The following SUMF1 variants were observed in gnomAD, a reference collection of about 807,000 sequenced individuals.
SUMF1 encodes the protein sulfatase modifying factor 1.
In SUMF1, 48 loss-of-function variants were observed where a neutral mutation model predicts 47.6. The observed-to-expected ratio is 1.01, with a 90% CI of 0.80 to 1.28. SUMF1 has a LOEUF of 1.28. Ranked by LOEUF, SUMF1 falls within the 50% of genes most tolerant of loss-of-function variation. The pLI, the probability that SUMF1 is intolerant of heterozygous loss-of-function variation, is 0.00. For missense variants in SUMF1, 571 were observed against 485.4 expected, an observed-to-expected ratio of 1.18 and a Z score of -1.66; for synonymous variants, 230 against 192.1, an observed-to-expected ratio of 1.20 and a Z score of -1.63.
intron 8 of SUMF1, among the ~76,000 whole-genome samples, chr3:4,343,320 TC>T (rs1402523405): frequency 1.3e-5 from 2 of 152,200 alleles, no homozygotes; most frequent in African/African-American, 2.4e-5. Context: ...GAGCTCCAGA[TC>T]ACCAAACCAC....
intron 3 of SUMF1, among the ~76,000 whole-genome samples, chr3:4,433,918 GAT>G (rs1353415572): frequency 6.6e-6 from 1 of 152,230 alleles, no homozygotes; most frequent in African/African-American, 2.4e-5. Flanking sequence ...CAGGTCAAGA[GAT>G]ATGTCACCAT....
Position 4,449,339 on chromosome 3 carries a change from G to C in SUMF1, c.446C>G (p.Ala149Gly). The change falls in exon 3 of 9, where the codon GCT becomes GGT. Residue 149 changes from alanine to glycine, a missense_variant and splice_region_variant. Transcript: ENST00000272902. ...FVNSTGYLTEAEKFGDSFVFE... is the reference protein window; with the variant it reads ...FVNSTGYLTEGEKFGDSFVFE... ...GACAAAGGAGTCGCCAAACTTCTCA[G>C]CCTATAAGGAAGGTAGGAAATAAAA... 1.2e-6 allele frequency: 2 copies of C among 1,614,102 alleles called. No individual in the cohort carries two copies. Among genetic ancestry groups the C allele is most frequent in the South Asian group, 1.1e-5 (1 of 91,080 alleles).
intron 9 of SUMF1, among the ~76,000 whole-genome samples, chr3:4,046,179 C>G (rs1695003460): frequency 6.6e-6 from 1 of 152,160 alleles, no homozygotes. Flanking sequence ...TAAATGTGGG[C>G]TGGCTCAGCT....
intron 8 of SUMF1, among the ~76,000 whole-genome samples, chr3:4,156,940 G>A (rs1001083028): frequency 1.3e-5 from 2 of 151,520 alleles, no homozygotes; most frequent in African/African-American, 2.4e-5. Flanking sequence ...GCAAATGTAT[G>A]CCATCATTAA....
chr3:4,100,517 G>A (rs896681590), intron 8 of SUMF1, among the ~76,000 whole-genome samples: 6 of 151,878 alleles, frequency 4.0e-5, no homozygotes, highest in African/African-American at 1.5e-4. Context: ...TCTTATAAAA[G>A]AATCAACTCA....
At chr3:4,349,231 T>C (rs1254486157) in intron 8 of SUMF1, among the ~76,000 whole-genome samples, 1 of 152,034 alleles carries the variant, frequency 6.6e-6, no homozygotes, top group South Asian at 2.1e-4. Context: ...ATGCAGCCAA[T>C]GGACATATGA....
intron 8 of SUMF1, among the ~76,000 whole-genome samples, chr3:4,095,657 T>A (rs1412551756): frequency 6.6e-6 from 1 of 151,900 alleles, no homozygotes; most frequent in Admixed American, 6.6e-5. Flanking sequence ...AGCAGAACAA[T>A]ATAAAACAAA....
intron 8 of SUMF1, among the ~76,000 whole-genome samples, chr3:4,318,148 A>C (rs962279533): frequency 6.6e-6 from 1 of 152,156 alleles, no homozygotes. Context: ...CAAAGACATT[A>C]CTAGGAAAGA....
intron 8 of SUMF1, among the ~76,000 whole-genome samples, chr3:4,150,107 T>C (rs1057240192): frequency 1.6e-5 from 2 of 124,728 alleles, no homozygotes; most frequent in South Asian, 5.2e-4. Context: ...TTTATTTATT[T>C]ATTTTGCAGG....
chr3:4,113,819 G>A (rs569602992), intron 8 of SUMF1, among the ~76,000 whole-genome samples: 1 of 152,178 alleles, frequency 6.6e-6, no homozygotes, highest in South Asian at 2.1e-4. Context: ...TAGGCAGATA[G>A]GAACAATTAC....
In SUMF1 at chr3:4,246,529, G is replaced by C. The variant is rs186994069; in HGVS notation, c.1014+129801C>G. Among the ~76,000 whole-genome samples, 451 of 152,022 alleles carry C rather than the reference G, an allele frequency of 3.0e-3. 4 individuals carry two copies. The highest frequency in any genetic ancestry group is 0.01 in the African/African-American group (426 of 41,420). The stretch of plus-strand genomic sequence containing the variant: ...TGATTCTCCTGTCTCAGCCTCCTGA[G>C]CAGCTGGGACTACAGGCGCACGCCA... On this transcript the variant is annotated intron_variant and NMD_transcript_variant, in intron 8 of 12. Coordinates refer to the SUMF1 transcript ENST00000448413.
intron 3 of SUMF1, among the ~76,000 whole-genome samples, chr3:4,428,497 G>C (rs899470052): frequency 6.6e-6 from 1 of 151,976 alleles, no homozygotes; most frequent in African/African-American, 2.4e-5. Flanking sequence ...AAGACTACAG[G>C]CACATGCCAC....
rs760859668 is a variant in SUMF1, at chr3:4,303,477, A to T, written c.1014+72853T>A. The T allele has an allele frequency of 8.6e-6, 13 of 1,514,338 alleles. No homozygotes were observed. The highest frequency in any genetic ancestry group is 1.1e-5 in the Non-Finnish European group (13 of 1,136,772). The allele number at this position is 1,514,338 out of a possible 1,614,324, so 93.8% of individuals were successfully genotyped here. Reference sequence around the variant, plus strand: ...CTGGATGTCGCGTGCGGCCAGGAAAACTTGCCGGTGGGCGCGTGGCCCCCG... The same window carrying T: ...CTGGATGTCGCGTGCGGCCAGGAAATCTTGCCGGTGGGCGCGTGGCCCCCG... On this transcript the variant is annotated intron_variant and NMD_transcript_variant, in intron 8 of 12. Coordinates refer to the SUMF1 transcript ENST00000448413.
At chr3:4,326,009 ACAGGGTTT>A (rs1698937505) in intron 8 of SUMF1, among the ~76,000 whole-genome samples, 1 of 152,182 alleles carries the variant, frequency 6.6e-6, no homozygotes, top group South Asian at 2.1e-4. Flanking sequence ...TTTAGTTGAA[ACAGGGTTT>A]CACCATGTTG....
intron 8 of SUMF1, among the ~76,000 whole-genome samples, chr3:4,222,693 G>A (rs890457000): frequency 1.3e-5 from 2 of 152,056 alleles, no homozygotes; most frequent in African/African-American, 2.4e-5. Flanking sequence ...ACCCATCAAG[G>A]TTCACTGTGA....
chr3:4,392,124 G>A (rs748787442), intron 7 of SUMF1, among the ~76,000 whole-genome samples: 1 of 152,096 alleles, frequency 6.6e-6, no homozygotes, highest in Admixed American at 6.6e-5. Flanking sequence ...CACTGCACCT[G>A]TCCTGGATAC....
At chr3:4,465,039 A>G (rs1387395988) in intron 1 of SUMF1, among the ~76,000 whole-genome samples, 2 of 152,250 alleles carry the variant, frequency 1.3e-5, no homozygotes, top group African/African-American at 2.4e-5. Context: ...CCAGAGGAAA[A>G]TAGAATGTTT....
intron 8 of SUMF1, among the ~76,000 whole-genome samples, chr3:4,109,032 C>T (rs542839064): frequency 1.3e-5 from 2 of 152,210 alleles, no homozygotes; most frequent in South Asian, 2.1e-4. Context: ...ATGGTCTTTA[C>T]AATTTGGCAT....
intron 8 of SUMF1, among the ~76,000 whole-genome samples, chr3:4,137,399 A>C (rs1693963046): frequency 6.8e-6 from 1 of 146,664 alleles, no homozygotes; most frequent in South Asian, 2.1e-4. Context: ...GCATGTTCTC[A>C]CTCATAGGTG....
Sources: gnomAD v4.1 joint callset for allele counts (sites outside exome capture counted in the v4.1 genomes callset) on GRCh38, gnomAD v4.1.1 for gene constraint, MANE v1.5 for transcripts, NCBI Gene and HGNC (gene_info 2026-07-23, HGNC 2026-07-21) for gene names.